CUL2: variants seen among roughly 807,000 people sequenced by gnomAD.
CUL2 encodes the protein cullin-2.
A neutral mutation model predicts 110.2 loss-of-function variants in CUL2; 22 were observed. The ratio of observed to expected loss-of-function variants is 0.20; its 90% CI spans 0.14 to 0.28. The LOEUF (loss-of-function observed/expected upper bound fraction) is 0.28, where lower values mean the gene tolerates loss of function less well. CUL2 is among the 10% of genes least tolerant of loss of function. The probability of loss-of-function intolerance (pLI) is 1.00; values close to 1 mark genes in which losing one functional copy is unlikely to be tolerated. For missense variants in CUL2, 631 were observed against 905.5 expected, an observed-to-expected ratio of 0.70 and a Z score of 3.89; for synonymous variants, 279 against 293.2, an observed-to-expected ratio of 0.95 and a Z score of 0.49.
At chr10:35,095,156 T>C (rs1012783547), upstream of CUL2, among the ~76,000 whole-genome samples, 23 of 151,908 alleles carry the variant, frequency 1.5e-4, no homozygotes, top group Non-Finnish European at 4.4e-5. Flanking sequence ...ACCTTGTCTC[T>C]ACTAAAAAAA....
intron 1 of CUL2, among the ~76,000 whole-genome samples, chr10:35,080,522 A>C (rs1208344375): frequency 2.7e-5 from 4 of 150,656 alleles, no homozygotes; most frequent in Non-Finnish European, 5.9e-5. Flanking sequence ...CAGTGGTGTG[A>C]TCCTGGTTCA....
rs2084840776 is a variant in CUL2, at chr10:35,009,259, C to G, written c.*1052G>C. The stretch of plus-strand genomic sequence containing the variant: ...TAATGGGATTTATATATGTGGCACC[C>G]AGTACAATGTACAATTTTCTTTTTT... On this transcript the variant is annotated 3_prime_UTR_variant, in exon 21 of 21. Coordinates refer to ENST00000374749, the MANE Select transcript of CUL2 (RefSeq NM_003591.4). 6.7e-6 allele frequency: 1 copy of G among 148,628 alleles called. No individual in the cohort carries two copies. The highest frequency in any genetic ancestry group is 2.1e-4 in the South Asian group (1 of 4,702). The allele number at this position is 148,628 out of a possible 1,614,324, so 9.2% of individuals were successfully genotyped here.
At chr10:35,035,834 C>T (rs912646767) in intron 9 of CUL2, among the ~76,000 whole-genome samples, 2 of 152,250 alleles carry the variant, frequency 1.3e-5, no homozygotes, top group Non-Finnish European at 2.9e-5. Flanking sequence ...ACAGATCCTT[C>T]TAACCACAGC....
intron 1 of CUL2, among the ~76,000 whole-genome samples, chr10:35,101,654 C>T (rs1202962103): frequency 6.6e-6 from 1 of 152,194 alleles, no homozygotes; most frequent in Non-Finnish European, 1.5e-5. Context: ...CACACACAAG[C>T]ACTCGTTTCT....
chr10:35,091,282 C>A (rs1412938246), upstream of CUL2, among the ~76,000 whole-genome samples: 4 of 152,174 alleles, frequency 2.6e-5, no homozygotes, highest in Admixed American at 6.5e-5. Flanking sequence ...ATTCAGCAAG[C>A]TTTTCCCTCC....
At chr10:35,018,944 CCTCTAA>C (rs2085117431) in intron 17 of CUL2, among the ~76,000 whole-genome samples, 1 of 151,732 alleles carries the variant, frequency 6.6e-6, no homozygotes, top group Admixed American at 6.6e-5. Flanking sequence ...AATTCATAGC[CCTCTAA>C]ATTTTCACAA....
chr10:35,075,144 A>G (rs1488894222), intron 1 of CUL2, among the ~76,000 whole-genome samples: 1 of 152,194 alleles, frequency 6.6e-6, no homozygotes, highest in Admixed American at 6.5e-5. Flanking sequence ...GTTACAATCC[A>G]TGCTTGGATG....
intron 1 of CUL2, among the ~76,000 whole-genome samples, chr10:35,120,954 T>C (rs1215583546): frequency 2.0e-5 from 3 of 151,130 alleles, no homozygotes; most frequent in African/African-American, 7.4e-5. Flanking sequence ...TACAAGGTAA[T>C]ATGGATATAA....
At chr10:35,117,727 C>G (rs1444162459) in intron 1 of CUL2, among the ~76,000 whole-genome samples, 1 of 152,088 alleles carries the variant, frequency 6.6e-6, no homozygotes, top group Non-Finnish European at 1.5e-5. Flanking sequence ...TTATGTGGAA[C>G]CTATTTGACT....
rs111988480 is a variant in CUL2 at position 35,117,898 on chromosome 10, T to C, written c.-51+8707A>G. Among the ~76,000 whole-genome samples, 464 of 152,352 alleles carry C rather than the reference T, an allele frequency of 3.0e-3. 2 individuals are homozygous for C. Among genetic ancestry groups the C allele is most frequent in the African/African-American group, 0.01 (426 of 41,576 alleles). On this transcript the variant is annotated intron_variant, in intron 1 of 5. Coordinates refer to the CUL2 transcript ENST00000685421. ...GTTTTCTTAATAGACTTGATTTTTT[T>C]CAGAACAATTTTAGGTGCACAGCAA...
intron 10 of CUL2, among the ~76,000 whole-genome samples, chr10:35,033,613 T>A (rs1188566595): frequency 6.6e-6 from 1 of 151,922 alleles, no homozygotes; most frequent in Non-Finnish European, 1.5e-5. Flanking sequence ...GGCGTCCACC[T>A]GTAATCCCAG....
chr10:35,013,391 A>C (rs2084952795), intron 19 of CUL2, among the ~76,000 whole-genome samples: 1 of 152,146 alleles, frequency 6.6e-6, no homozygotes, highest in Non-Finnish European at 1.5e-5. Context: ...TTATTTTACA[A>C]ATGAAAAATA....
chr10:35,024,251 T>C lies in CUL2; in HGVS notation c.1684+881A>G, dbSNP rs530584906. ...AACTTGCTCAGTAAAGATCGACTTA[T>C]ATAAGTAATGCAAAATGTATTACTA... On this transcript the variant is annotated intron_variant, in intron 17 of 20. Coordinates refer to ENST00000374749, the MANE Select transcript of CUL2 (RefSeq NM_003591.4). 1.1e-3 allele frequency among the ~76,000 whole-genome samples: 168 copies of C among 152,316 alleles called. 1 individual carries two copies. Among genetic ancestry groups the C allele is most frequent in the African/African-American group, 3.9e-3 (163 of 41,562 alleles).
intron 1 of CUL2, among the ~76,000 whole-genome samples, chr10:35,101,647 A>C (rs1022872181): frequency 6.6e-6 from 1 of 152,224 alleles, no homozygotes; most frequent in African/African-American, 2.4e-5. Flanking sequence ...GTGACCACAC[A>C]CACAAGCACT....
rs567323802 is a variant in CUL2 at position 35,035,192 on chromosome 10, T to C, written c.982A>G (p.Ser328Gly). The C allele has an allele frequency of 3.3e-5, 54 of 1,614,226 alleles. No individual in the cohort carries two copies. The South Asian group carries it at 5.5e-4, about 16-fold the overall frequency. ...HIHDEGLRATSNLTQENMPTL... is the reference protein window; with the variant it reads ...HIHDEGLRATGNLTQENMPTL... The stretch of plus-strand genomic sequence containing the variant: ...CTCACGTTTTCCTGAGTAAGGTTGC[T>C]GGTTGCTCGAAGGCCCTCATCATGG... The change falls in exon 10 of 21, where the codon AGC (serine) becomes GGC (glycine). Residue 328 changes from serine to glycine, a missense_variant. Around this residue, in one of 3 missense-constraint regions of CUL2, gnomAD observed 338 missense variants for 442.5 expected, o/e 0.76. Coordinates refer to ENST00000374749, the MANE Select transcript of CUL2 (RefSeq NM_003591.4).
intron 8 of CUL2, among the ~76,000 whole-genome samples, chr10:35,039,536 T>C (rs867936350): frequency 2.0e-5 from 3 of 152,262 alleles, no homozygotes; most frequent in Non-Finnish European, 2.9e-5. Context: ...ATGTGCATGA[T>C]AGTTAACTAC....
intron 6 of CUL2, among the ~76,000 whole-genome samples, chr10:35,049,428 C>T (rs1165894113): frequency 1.3e-5 from 2 of 151,634 alleles, no homozygotes; most frequent in Non-Finnish European, 2.9e-5. Context: ...CCCTCAGATA[C>T]TTATTTATAT....
chr10:35,073,979 T>C (rs569056655), intron 1 of CUL2: 1 of 699,570 alleles, frequency 1.4e-6, no homozygotes, highest in East Asian at 2.7e-5. Flanking sequence ...CACAAAGCTA[T>C]GTAATGGTGG....
chr10:35,083,590 TAGA>T (rs1460304471), intron 1 of CUL2, among the ~76,000 whole-genome samples: 1 of 151,866 alleles, frequency 6.6e-6, no homozygotes, highest in Non-Finnish European at 1.5e-5. Flanking sequence ...TGTCAGAAAA[TAGA>T]AGGTGCTTTC....
Sources: allele counts gnomAD v4.1 joint callset (sites outside exome capture counted in the v4.1 genomes callset), GRCh38; gene constraint gnomAD v4.1.1; regional missense constraint gnomAD v4.1.1; transcripts MANE v1.5; gene names NCBI Gene and HGNC (gene_info 2026-07-23, HGNC 2026-07-21).